ITGA11: variants seen among roughly 807,000 people sequenced by gnomAD.
ITGA11 encodes the protein integrin subunit alpha 11.
Under a neutral mutation model 141.9 loss-of-function variants are expected in ITGA11, and 97 were observed. The observed-to-expected ratio is 0.68, with a 90% CI of 0.58 to 0.81. ITGA11 has a LOEUF of 0.81. ITGA11 is among the 30% of genes least tolerant of loss of function. The pLI, the probability that ITGA11 is intolerant of heterozygous loss-of-function variation, is 0.00. For missense variants in ITGA11, 1,387 were observed against 1,559.2 expected, an observed-to-expected ratio of 0.89 and a Z score of 1.86; for synonymous variants, 658 against 624.6, an observed-to-expected ratio of 1.05 and a Z score of -0.80.
intron 10 of ITGA11, among the ~76,000 whole-genome samples, 177 bp downstream of exon 10, chr15:68,348,653 T>C (rs1894811026): frequency 6.6e-6 from 1 of 151,988 alleles, no homozygotes; most frequent in Non-Finnish European, 1.5e-5. Flanking sequence ...AGACCTCGAC[T>C]CCCCTCTTCC....
At position 68,355,453 on chromosome 15, in the gene ITGA11, T is replaced by C. The variant is rs532284000; in HGVS notation, c.749+1698A>G. Among the ~76,000 whole-genome samples, 547 of 152,136 alleles carry C rather than the reference T, an allele frequency of 3.6e-3. 6 individuals carry two copies. The highest frequency in any genetic ancestry group is 0.013 in the African/African-American group (528 of 41,452). ...ACTAAATAGTTCTTTTTTTCTTTTTTTCTTTTTTTTTTGAGACAGGGTCTG... is the reference window on the plus strand; with the variant it reads ...ACTAAATAGTTCTTTTTTTCTTTTTCTCTTTTTTTTTTGAGACAGGGTCTG... On this transcript the variant is annotated intron_variant, in intron 7 of 29. Transcript: ENST00000315757.
In ITGA11 at chr15:68,333,192, T is replaced by G. The variant is rs1203602990; in HGVS notation, c.1426-714A>C. Among the ~76,000 whole-genome samples, 1 of 151,926 alleles carries G rather than the reference T, an allele frequency of 6.6e-6. No individual in the cohort carries two copies. The highest frequency in any genetic ancestry group is 2.4e-5 in the African/African-American group (1 of 41,364). ...TTGGCTCACTGTAGCCTCAAACTCC[T>G]GGGTTCAAGTGATCCTCCCATCTCA... On this transcript the variant is annotated intron_variant, in intron 12 of 29. Transcript: ENST00000315757. The surrounding 1 kb of genome is among the most constrained non-coding windows in gnomAD (Gnocchi z 4.2).
chr15:68,357,672 G>T (rs1895112359), intron 6 of ITGA11, among the ~76,000 whole-genome samples: 1 of 151,620 alleles, frequency 6.6e-6, no homozygotes, highest in East Asian at 1.9e-4. Flanking sequence ...CCAAAACTGA[G>T]GTTCCTTAAA....
intron 1 of ITGA11, among the ~76,000 whole-genome samples, chr15:68,429,991 T>C (rs1897233355): frequency 6.6e-6 from 1 of 152,068 alleles, no homozygotes; most frequent in Non-Finnish European, 1.5e-5. Context: ...TCTGTTTAGC[T>C]TTCCCTGGCC....
chr15:68,321,148 C>A lies in ITGA11; in HGVS notation c.2408+270G>T, dbSNP rs1214749996. ...CCTTTCATCTATTTTGTAATGTGGGCTCCGAAGAAAGGGTTTCTTTTTTTT... is the reference window on the plus strand; with the variant it reads ...CCTTTCATCTATTTTGTAATGTGGGATCCGAAGAAAGGGTTTCTTTTTTTT... On this transcript the variant is annotated intron_variant, in intron 19 of 29. Transcript: ENST00000315757. The surrounding 1 kb of genome is among the most constrained non-coding windows in gnomAD (Gnocchi z 4.9). 7.2e-6 allele frequency among the ~76,000 whole-genome samples: 1 copy of A among 139,032 alleles called. No individual in the cohort carries two copies. Among genetic ancestry groups the A allele is most frequent in the Admixed American group, 8.0e-5 (1 of 12,544 alleles). The allele number at this position is 139,032 out of a possible 152,430, so 91.2% of individuals were successfully genotyped here.
At chr15:68,357,109 C>T in intron 7 of ITGA11, 42 bp downstream of exon 7, 11 of 1,592,206 alleles carry the variant, frequency 6.9e-6, no homozygotes, top group Non-Finnish European at 9.4e-6. Context: ...ACAATAGCAT[C>T]TGAGATCTAA....
At chr15:68,430,097 G>C (rs924696985) in intron 1 of ITGA11, among the ~76,000 whole-genome samples, 1 of 152,200 alleles carries the variant, frequency 6.6e-6, no homozygotes, top group African/African-American at 2.4e-5. Flanking sequence ...TTCCAACATT[G>C]ATTGATATGT....
At chr15:68,380,900 T>C (rs1412609880) in intron 2 of ITGA11, among the ~76,000 whole-genome samples, 2 of 152,160 alleles carry the variant, frequency 1.3e-5, no homozygotes, top group Non-Finnish European at 2.9e-5. Context: ...CTACTTAAAG[T>C]GGTCCTAAGT....
intron 15 of ITGA11, among the ~76,000 whole-genome samples, chr15:68,329,849 C>T (rs1262053948): frequency 3.3e-5 from 5 of 152,358 alleles, no homozygotes; most frequent in African/African-American, 9.6e-5. Context: ...CTGGGCTGCA[C>T]ACGCACAGGC....
intron 1 of ITGA11, among the ~76,000 whole-genome samples, chr15:68,405,782 T>C (rs1011717018): frequency 6.3e-4 from 94 of 148,588 alleles, no homozygotes; most frequent in African/African-American, 2.2e-3. Context: ...TTGGTGGGCA[T>C]AGGGGGGTTA....
chr15:68,424,955 C>G (rs977972384), intron 1 of ITGA11, among the ~76,000 whole-genome samples: 1 of 152,246 alleles, frequency 6.6e-6, no homozygotes, highest in Non-Finnish European at 1.5e-5. Context: ...GACACCCCTG[C>G]CCTCTGTGTA....
chr15:68,422,889 GTAGT>G (rs1356056986), intron 1 of ITGA11, among the ~76,000 whole-genome samples: 1 of 152,108 alleles, frequency 6.6e-6, no homozygotes, highest in Non-Finnish European at 1.5e-5. Context: ...CCCTTGCATT[GTAGT>G]TATTTATCCA....
chr15:68,363,237 C>T (rs1895308639), intron 4 of ITGA11, among the ~76,000 whole-genome samples: 1 of 152,072 alleles, frequency 6.6e-6, no homozygotes, highest in Non-Finnish European at 1.5e-5. Context: ...AGGTGACTAT[C>T]TATAAACCAA....
At position 68,326,862 on chromosome 15, in the gene ITGA11, C is replaced by T; in HGVS notation, c.2069-66G>A. On this transcript the variant is annotated intron_variant, in intron 16 of 29. Coordinates refer to ENST00000315757, the MANE Select transcript of ITGA11 (RefSeq NM_001004439.2). This position sits in a 1 kb window ranked among gnomAD's most constrained non-coding sequence, Gnocchi z 6.8. ...CATGCCCATCCAAGACTGTCTGCCTCCTCCAGGAAGCCCCCCAGGCTGGCC... is the reference window on the plus strand; with the variant it reads ...CATGCCCATCCAAGACTGTCTGCCTTCTCCAGGAAGCCCCCCAGGCTGGCC... 12 of 1,497,752 alleles carry T rather than the reference C, an allele frequency of 8.0e-6. No individual in the cohort carries two copies. The highest frequency in any genetic ancestry group is 1.4e-5 in the African/African-American group (1 of 72,158). 92.8% of individuals were successfully genotyped at this position (1,497,752 alleles called of 1,614,324 possible).
rs760913611 is a variant in ITGA11, at chr15:68,303,904, CG to C, written c.3382-20del. ...ACACGATCTGCAAGGGGAGGGGGGC[CG>C]GGCCAACAGCATTACTCTTCTGGGG... On this transcript the variant is annotated intron_variant, in intron 28 of 29. Coordinates refer to ENST00000315757, the MANE Select transcript of ITGA11 (RefSeq NM_001004439.2). The surrounding 1 kb of genome is among the most constrained non-coding windows in gnomAD (Gnocchi z 5.3). 75 of 1,532,436 alleles carry C rather than the reference CG, an allele frequency of 4.9e-5. No homozygotes were observed. Among genetic ancestry groups the C allele is most frequent in the Non-Finnish European group, 6.8e-5 (75 of 1,108,336 alleles). The allele number at this position is 1,532,436 out of a possible 1,614,324, so 94.9% of individuals were successfully genotyped here.
At position 68,335,954 on chromosome 15, in the gene ITGA11, G is replaced by T; in HGVS notation, c.1277-109C>A. 1 of 1,294,292 alleles carries T rather than the reference G, an allele frequency of 7.7e-7. No homozygotes were observed. The highest frequency in any genetic ancestry group is 1.1e-6 in the Non-Finnish European group (1 of 934,326). 80.2% of individuals were successfully genotyped at this position (1,294,292 alleles called of 1,614,324 possible). On this transcript the variant is annotated intron_variant, in intron 11 of 29. Coordinates refer to ENST00000315757, the MANE Select transcript of ITGA11 (RefSeq NM_001004439.2). This position sits in a 1 kb window ranked among gnomAD's most constrained non-coding sequence, Gnocchi z 4.9. The stretch of plus-strand genomic sequence containing the variant: ...AGAGGATGGGCCAGTGATGGGGTAG[G>T]TTCAGGGCTAGCTGAGCAGATTCAA...
chr15:68,335,568 G>A lies in ITGA11; in HGVS notation c.1425+129C>T. The A allele has an allele frequency of 4.8e-6, 5 of 1,048,446 alleles. No homozygotes were observed. The highest frequency in any genetic ancestry group is 7.0e-6 in the Non-Finnish European group (5 of 713,370). 64.9% of individuals were successfully genotyped at this position (1,048,446 alleles called of 1,614,324 possible). On this transcript the variant is annotated intron_variant, in intron 12 of 29. Coordinates refer to ENST00000315757, the MANE Select transcript of ITGA11 (RefSeq NM_001004439.2). The surrounding 1 kb of genome is among the most constrained non-coding windows in gnomAD (Gnocchi z 4.9). ...TCCTGCCACTCCTGGCAGCATGAAGGTGGCTGGAGGAACATGACTGCCCTT... is the reference window on the plus strand; with the variant it reads ...TCCTGCCACTCCTGGCAGCATGAAGATGGCTGGAGGAACATGACTGCCCTT...
rs747527162 is a variant in ITGA11, at chr15:68,332,382, C to T, written c.1522G>A (p.Glu508Lys). The change falls in exon 13 of 30, where the codon GAG becomes AAG. Residue 508 changes from glutamate (E) to lysine (K), a missense_variant. Glu to Lys is a moderately conservative substitution (Grantham distance 56, BLOSUM62 1). Coordinates refer to ENST00000315757, the MANE Select transcript of ITGA11 (RefSeq NM_001004439.2). ...LLVGAPMYFN[E>K]GRERGKVYVY... ...TACACCTTGCCTCGCTCACGGCCCT[C>T]GTTGAAGTACATGGGTGCGCCCACC... The T allele has an allele frequency of 6.2e-6, 10 of 1,609,804 alleles. No homozygotes were observed. The Admixed American group carries it at 8.4e-5, about 14-fold the overall frequency.
intron 1 of ITGA11, among the ~76,000 whole-genome samples, chr15:68,427,182 C>T (rs920950804): frequency 1.3e-5 from 2 of 152,054 alleles, no homozygotes. Context: ...GTAGCAAGGC[C>T]TTATTGAGAT....
Sources: gnomAD v4.1 joint callset for allele counts (sites outside exome capture counted in the v4.1 genomes callset) on GRCh38, gnomAD v4.1.1 for gene constraint, Gnocchi (gnomAD v3.1) non-coding constraint, MANE v1.5 for transcripts, NCBI Gene and HGNC (gene_info 2026-07-23, HGNC 2026-07-21) for gene names.